The following FBXL17 variants were observed in gnomAD, a reference collection of about 807,000 sequenced individuals.
The protein encoded by FBXL17 is F-box and leucine rich repeat protein 17.
A neutral mutation model predicts 66.2 loss-of-function variants in FBXL17; 22 were observed. The ratio of observed to expected loss-of-function variants is 0.33; its 90% CI spans 0.24 to 0.47. FBXL17 has a LOEUF of 0.47. Among genes scored for constraint, FBXL17 ranks in the 20% least tolerant of loss-of-function variants. The pLI is 1.00. For missense variants in FBXL17, 878 were observed against 948.2 expected (o/e 0.93, Z 0.97); for synonymous variants, 474 against 400.5 (o/e 1.18, Z -2.19).
chr5:108,090,863 A>G (rs377674637), intron 6 of FBXL17, among the ~76,000 whole-genome samples: 1 of 152,176 alleles, frequency 6.6e-6, no homozygotes, highest in Non-Finnish European at 1.5e-5. Flanking sequence ...GTTTTACTTG[A>G]GGATATTTTA....
chr5:108,009,302 CATATAT>C (rs369986632), intron 7 of FBXL17, among the ~76,000 whole-genome samples: 3,168 of 33,198 alleles, frequency 0.095, 920 homozygotes, highest in African/African-American at 0.27. Flanking sequence ...TATATATATA[CATATAT>C]ACATACACAT....
intron 5 of FBXL17, among the ~76,000 whole-genome samples, chr5:108,207,377 C>T (rs987996608): frequency 5.9e-5 from 9 of 151,898 alleles, no homozygotes; most frequent in South Asian, 4.2e-4. Context: ...TATGGCAGAA[C>T]GTGCAGTTTT....
chr5:108,110,676 G>T (rs1219222872), intron 6 of FBXL17, among the ~76,000 whole-genome samples: 3 of 151,422 alleles, frequency 2.0e-5, no homozygotes, highest in African/African-American at 7.3e-5. Context: ...TTAAAAATTT[G>T]TTATTTTTTA....
Position 108,224,245 on chromosome 5 carries a change from G to C in FBXL17, c.1507-17C>G, listed in dbSNP as rs534590848. 2 of 1,467,782 alleles carry C rather than the reference G, an allele frequency of 1.4e-6. No homozygotes were observed. The highest frequency in any genetic ancestry group is 4.6e-5 in the East Asian group (2 of 43,754). The allele number at this position is 1,467,782 out of a possible 1,614,324, so 90.9% of individuals were successfully genotyped here. A position where few individuals can be genotyped will look rare whatever the true frequency, so the allele number is the denominator to read the frequency against. On this transcript the variant is annotated splice_polypyrimidine_tract_variant and intron_variant, in intron 4 of 8. Coordinates refer to ENST00000542267, the MANE Select transcript of FBXL17 (RefSeq NM_001163315.3). ...ATCTGTCACCTAGGGAAAAGACATG[G>C]ATGAAATTATTCAAGGTAATAGTCC...
chr5:108,054,227 C>T (rs764307237), intron 6 of FBXL17, among the ~76,000 whole-genome samples: 10 of 144,120 alleles, frequency 6.9e-5, no homozygotes, highest in South Asian at 2.3e-4. Flanking sequence ...TATCCCGGAA[C>T]GTAAAGTAAA....
chr5:108,121,703 C>A (rs1750507964), intron 6 of FBXL17, among the ~76,000 whole-genome samples: 1 of 151,932 alleles, frequency 6.6e-6, no homozygotes, highest in Non-Finnish European at 1.5e-5. Context: ...ACTACAGGCA[C>A]CCGCCACCAC....
At chr5:108,034,766 G>A (rs1440533418) in intron 6 of FBXL17, among the ~76,000 whole-genome samples, 3 of 151,928 alleles carry the variant, frequency 2.0e-5, no homozygotes, top group Non-Finnish European at 4.4e-5. Flanking sequence ...AGAAATAACT[G>A]CAAAGTTAAA....
intron 7 of FBXL17, among the ~76,000 whole-genome samples, chr5:107,933,908 C>G (rs1042621263): frequency 6.6e-6 from 1 of 152,076 alleles, no homozygotes; most frequent in African/African-American, 2.4e-5. Context: ...TGATCAGCTT[C>G]AAACATGAAT....
intron 4 of FBXL17, among the ~76,000 whole-genome samples, chr5:108,267,590 T>C (rs1383414979): frequency 3.9e-5 from 6 of 152,116 alleles, no homozygotes; most frequent in Non-Finnish European, 5.9e-5. Flanking sequence ...CCCTCATCTA[T>C]GGTTTATTAA....
intron 7 of FBXL17, among the ~76,000 whole-genome samples, chr5:107,994,390 T>G (rs1056764359): frequency 1.3e-5 from 2 of 151,492 alleles, no homozygotes; most frequent in Admixed American, 6.6e-5. Context: ...TTTTAGTGTG[T>G]TGTGTGTGTG....
chr5:108,362,935 A>G (rs1748433957), intron 3 of FBXL17, among the ~76,000 whole-genome samples: 1 of 152,050 alleles, frequency 6.6e-6, no homozygotes, highest in Admixed American at 6.6e-5. Flanking sequence ...GAACCCTGCA[A>G]CAACTTAATC....
chr5:108,046,539 C>T (rs1747260625), intron 6 of FBXL17, among the ~76,000 whole-genome samples: 1 of 151,894 alleles, frequency 6.6e-6, no homozygotes, highest in Non-Finnish European at 1.5e-5. Flanking sequence ...TCTTTCCTGC[C>T]TTTCTGGGGT....
chr5:108,033,491 G>A (rs1746720031), intron 6 of FBXL17, among the ~76,000 whole-genome samples: 1 of 151,954 alleles, frequency 6.6e-6, no homozygotes, highest in Non-Finnish European at 1.5e-5. Context: ...GTTCCTTCAT[G>A]CCCAATGCCC....
At chr5:107,873,598 A>G (rs1748523253) in intron 8 of FBXL17, among the ~76,000 whole-genome samples, 1 of 152,180 alleles carries the variant, frequency 6.6e-6, no homozygotes, top group Non-Finnish European at 1.5e-5. Context: ...CACCTGCAGT[A>G]GTCCCTCAGT....
chr5:108,054,016 A>G (rs1281569318), intron 6 of FBXL17, among the ~76,000 whole-genome samples: 1 of 152,180 alleles, frequency 6.6e-6, no homozygotes, highest in East Asian at 1.9e-4. Flanking sequence ...CAGGAACAGA[A>G]AACCAAATAC....
chr5:108,127,926 T>G (rs1228823319), intron 6 of FBXL17, among the ~76,000 whole-genome samples: 1 of 152,198 alleles, frequency 6.6e-6, no homozygotes, highest in Non-Finnish European at 1.5e-5. Flanking sequence ...ATACTTTTTT[T>G]GTTTTCTCTA....
At chr5:108,102,876 A>T (rs1039205701) in intron 6 of FBXL17, among the ~76,000 whole-genome samples, 7 of 152,208 alleles carry the variant, frequency 4.6e-5, no homozygotes, top group Admixed American at 1.3e-4. Context: ...AAGACAAAGC[A>T]ATTTTCTCAT....
chr5:107,896,184 C>T (rs962181698), intron 7 of FBXL17, among the ~76,000 whole-genome samples: 1 of 151,988 alleles, frequency 6.6e-6, no homozygotes, highest in South Asian at 2.1e-4. Flanking sequence ...CAGAAGTATC[C>T]CGCATCATTA....
chr5:107,998,402 T>C (rs1464848626), intron 7 of FBXL17, among the ~76,000 whole-genome samples: 1 of 152,156 alleles, frequency 6.6e-6, no homozygotes, highest in African/African-American at 2.4e-5. Context: ...TCATTAAGAA[T>C]TCCTTTTGCA....
Sources: gnomAD v4.1 joint callset for allele counts (sites outside exome capture counted in the v4.1 genomes callset) on GRCh38, gnomAD v4.1.1 for gene constraint, MANE v1.5 for transcripts, NCBI Gene and HGNC (gene_info 2026-07-23, HGNC 2026-07-21) for gene names.